SH3PXD2B: variants seen among roughly 807,000 people sequenced by gnomAD.
The protein encoded by SH3PXD2B is SH3 and PX domains 2B.
A neutral mutation model predicts 73.1 loss-of-function variants in SH3PXD2B; 37 were observed. The ratio of observed to expected loss-of-function variants is 0.51; its 90% CI spans 0.39 to 0.67. SH3PXD2B has a LOEUF of 0.67. SH3PXD2B is among the 30% of genes least tolerant of loss of function. The pLI, the probability that SH3PXD2B is intolerant of heterozygous loss-of-function variation, is 0.00. For synonymous variants in SH3PXD2B, 457 were observed against 480.5 expected (o/e 0.95, Z 0.64); for missense variants, 1,053 against 1,197.8 (o/e 0.88, Z 1.78).
intron 4 of SH3PXD2B, among the ~76,000 whole-genome samples, chr5:172,389,061 T>C (rs1052624015): frequency 4.0e-5 from 6 of 150,680 alleles, no homozygotes; most frequent in South Asian, 4.2e-4. Context: ...CTTTTTCTTT[T>C]TTTTTTTTTT....
At chr5:172,433,643 G>A (rs544901677) in intron 1 of SH3PXD2B, among the ~76,000 whole-genome samples, 3 of 152,164 alleles carry the variant, frequency 2.0e-5, no homozygotes, top group South Asian at 2.1e-4. Context: ...CAGAGTGGGG[G>A]TGGGAGAACA....
intron 4 of SH3PXD2B, among the ~76,000 whole-genome samples, chr5:172,387,800 G>A (rs1303863331): frequency 6.6e-6 from 1 of 152,164 alleles, no homozygotes; most frequent in Non-Finnish European, 1.5e-5. Context: ...TAAATTTAAT[G>A]TATTCAAATA....
intron 10 of SH3PXD2B, among the ~76,000 whole-genome samples, chr5:172,348,650 CTATCCTATCTATCTATCTATCTATCTAT>C (rs1275006685): frequency 3.3e-4 from 26 of 77,700 alleles, no homozygotes; most frequent in Non-Finnish European, 6.6e-4. Flanking sequence ...ATCTATCTAT[CTATCCTATCTATCTATCTATCTATCTAT>C]CTATCTATCT....
chr5:172,399,193 G>T (rs1044987658), intron 3 of SH3PXD2B, among the ~76,000 whole-genome samples: 1 of 152,152 alleles, frequency 6.6e-6, no homozygotes, highest in Admixed American at 6.5e-5. Context: ...ATTATCCAAA[G>T]AACAAATTGT....
chr5:172,439,932 A>G (rs116665782), intron 1 of SH3PXD2B, among the ~76,000 whole-genome samples: 11,258 of 152,090 alleles, frequency 0.074, 1,296 homozygotes, highest in African/African-American at 0.25. Flanking sequence ...ACTGCTACTC[A>G]CACACATCTG....
chr5:172,346,940 T>C (rs1056187168), intron 11 of SH3PXD2B, among the ~76,000 whole-genome samples: 2 of 152,192 alleles, frequency 1.3e-5, no homozygotes, highest in South Asian at 2.1e-4. Context: ...AATATCAGAA[T>C]GGGACCACAG....
At position 172,369,778 on chromosome 5, in the gene SH3PXD2B, C is replaced by T. The variant is rs1286617802; in HGVS notation, c.427+4012G>A. Reference sequence around the variant, plus strand: ...GTGAGACTTCATCTCAAAAAACAAACAAACTAACAAAAAAACCCCAACCCC... The same window carrying T: ...GTGAGACTTCATCTCAAAAAACAAATAAACTAACAAAAAAACCCCAACCCC... On this transcript the variant is annotated intron_variant, in intron 6 of 12. Transcript: ENST00000311601. Among the ~76,000 whole-genome samples the T allele has an allele frequency of 4.6e-5, 7 of 151,976 alleles. No homozygotes were observed. The South Asian group carries it at 1.5e-3, about 32-fold the overall frequency.
At chr5:172,344,460 C>T (rs532268829) in intron 12 of SH3PXD2B, among the ~76,000 whole-genome samples, 15 of 151,896 alleles carry the variant, frequency 9.9e-5, no homozygotes, top group African/African-American at 3.1e-4. Context: ...TCATGTTGGG[C>T]GCCTGTAATC....
rs373016306 is a variant in SH3PXD2B, at chr5:172,343,932, C to G, written c.1188+2204G>C. ...TACTAGAGGCAAATAATTTACCTAACCCCCCTGAGTCTCATCTATAAAACA... is the reference window on the plus strand; with the variant it reads ...TACTAGAGGCAAATAATTTACCTAAGCCCCCTGAGTCTCATCTATAAAACA... On this transcript the variant is annotated intron_variant, in intron 12 of 12. Transcript: ENST00000311601. Among the ~76,000 whole-genome samples, 39 of 151,852 alleles carry G rather than the reference C, an allele frequency of 2.6e-4. No individual in the cohort carries two copies. The East Asian group carries it at 2.9e-3, about 11-fold the overall frequency.
At chr5:172,346,775 A>G (rs1005669383) in intron 11 of SH3PXD2B, among the ~76,000 whole-genome samples, 2 of 151,918 alleles carry the variant, frequency 1.3e-5, no homozygotes, top group African/African-American at 4.8e-5. Flanking sequence ...AATAGCAGAC[A>G]TTAAAAAAAT....
chr5:172,445,961 C>T lies in SH3PXD2B; in HGVS notation c.75+8317G>A, dbSNP rs1759649547. The stretch of plus-strand genomic sequence containing the variant: ...CGCAGGCTTCTGCAGAGGCAGAGTC[C>T]GGAGGAGGCAGCCACACGAGCCCTG... On this transcript the variant is annotated intron_variant, in intron 1 of 12. Coordinates refer to ENST00000311601, the MANE Select transcript of SH3PXD2B (RefSeq NM_001017995.3). This position sits in a 1 kb window ranked among gnomAD's most constrained non-coding sequence, Gnocchi z 5.2. 1.3e-5 allele frequency among the ~76,000 whole-genome samples: 2 copies of T among 152,216 alleles called. No individual in the cohort carries two copies. The highest frequency in any genetic ancestry group is 4.8e-5 in the African/African-American group (2 of 41,458).
rs112169605 is a variant in SH3PXD2B at position 172,335,481 on chromosome 5, C to G, written c.*2888G>C. The stretch of plus-strand genomic sequence containing the variant: ...CGAGATCTCAGTCCCAGCTTGGCCA[C>G]TATTTGGACCTTCTCCCTCTGAACC... On this transcript the variant is annotated 3_prime_UTR_variant, in exon 13 of 13. Coordinates refer to ENST00000311601, the MANE Select transcript of SH3PXD2B (RefSeq NM_001017995.3). 2,432 of 1,231,266 alleles carry G rather than the reference C, an allele frequency of 2.0e-3. 35 individuals are homozygous for G. The African/African-American group carries it at 0.031, about 16-fold the overall frequency. 76.3% of individuals were successfully genotyped at this position (1,231,266 alleles called of 1,614,324 possible). A position where few individuals can be genotyped will look rare whatever the true frequency, so the allele number is the denominator to read the frequency against.
intron 1 of SH3PXD2B, among the ~76,000 whole-genome samples, chr5:172,430,955 A>G (rs987186418): frequency 3.3e-5 from 5 of 151,352 alleles, no homozygotes; most frequent in Admixed American, 6.6e-5. Context: ...CAACCTCCAC[A>G]TCCCGGGTTC....
At position 172,426,148 on chromosome 5, in the gene SH3PXD2B, T is replaced by C. The variant is rs113290974; in HGVS notation, c.76-3652A>G. Among the ~76,000 whole-genome samples the C allele has an allele frequency of 5.8e-3, 889 of 152,304 alleles. 7 individuals carry two copies. Among genetic ancestry groups the C allele is most frequent in the African/African-American group, 0.02 (845 of 41,552 alleles). ...TTTACAATTTTTAAAGTTCTGAACA[T>C]ACAGTGCAAGGACTCTGCAGCAAGC... On this transcript the variant is annotated intron_variant, in intron 1 of 12. Coordinates refer to ENST00000311601, the MANE Select transcript of SH3PXD2B (RefSeq NM_001017995.3).
At chr5:172,398,428 C>G (rs1758354103) in intron 3 of SH3PXD2B, among the ~76,000 whole-genome samples, 1 of 152,174 alleles carries the variant, frequency 6.6e-6, no homozygotes, top group African/African-American at 2.4e-5. Context: ...TTATGTTGGG[C>G]AAGTGCTTTC....
downstream of SH3PXD2B, among the ~76,000 whole-genome samples, chr5:172,332,256 C>CTTTTT (rs57471345): frequency 0.012 from 1,728 of 142,988 alleles, 56 homozygotes; most frequent in African/African-American, 0.031. Context: ...TTTTTCCTTC[C>CTTTTT]TTTTTTTTTT....
chr5:172,325,897 C>T lies in SH3PXD2B; in HGVS notation c.1189-517G>A, dbSNP rs147921414. On this transcript the variant is annotated intron_variant, in intron 12 of 12. Coordinates refer to the SH3PXD2B transcript ENST00000519643. The stretch of plus-strand genomic sequence containing the variant: ...CCGCCTCCCGGTTTCAAGCGATTCT[C>T]CTGCCTCAGCCTCCCTAGTAGCTGG... Among the ~76,000 whole-genome samples, 448 of 152,366 alleles carry T rather than the reference C, an allele frequency of 2.9e-3. 5 individuals are homozygous for T. The highest frequency in any genetic ancestry group is 0.01 in the African/African-American group (428 of 41,588).
In SH3PXD2B at chr5:172,394,646, A is replaced by G. The variant is rs765540771; in HGVS notation, c.233-7T>C. On this transcript the variant is annotated splice_region_variant and splice_polypyrimidine_tract_variant and intron_variant, in intron 3 of 12. Transcript: ENST00000311601. Reference sequence around the variant, plus strand: ...CGTCTGAAGAGAATCTTACCTGCAGAAGATGAGAGCAAAGACAGTGTTGTC... The same window carrying G: ...CGTCTGAAGAGAATCTTACCTGCAGGAGATGAGAGCAAAGACAGTGTTGTC... The G allele has an allele frequency of 1.9e-6, 3 of 1,613,908 alleles. No individual in the cohort carries two copies.
chr5:172,439,692 G>GCGCGCGCGCACACACACACACACA (rs1554087696), intron 1 of SH3PXD2B, among the ~76,000 whole-genome samples: 1 of 138,542 alleles, frequency 7.2e-6, no homozygotes, highest in Non-Finnish European at 1.6e-5. Flanking sequence ...GCACGCGCGC[G>GCGCGCGCGCACACACACACACACA]CACACACACA....
Sources: gnomAD v4.1 joint callset for allele counts (sites outside exome capture counted in the v4.1 genomes callset) on GRCh38, gnomAD v4.1.1 for gene constraint, Gnocchi (gnomAD v3.1) non-coding constraint, MANE v1.5 for transcripts, NCBI Gene and HGNC (gene_info 2026-07-23, HGNC 2026-07-21) for gene names.